COMMD10: variants seen among roughly 807,000 people sequenced by gnomAD.
The protein encoded by COMMD10 is COMM domain-containing protein 10.
A neutral mutation model predicts 28.9 loss-of-function variants in COMMD10; 33 were observed. The observed-to-expected ratio is 1.14, with a 90% confidence interval of 0.87 to 1.53. The LOEUF is 1.53. Among genes scored for constraint, COMMD10 ranks in the 40% most tolerant of loss-of-function variants. The pLI is 0.00. For missense variants in COMMD10, 310 were observed against 233.4 expected (o/e 1.33, Z -2.14); for synonymous variants, 110 against 81.7 (o/e 1.35, Z -1.87).
chr5:116,211,659 T>A (rs1000311097), intron 5 of COMMD10, among the ~76,000 whole-genome samples: 2 of 152,132 alleles, frequency 1.3e-5, no homozygotes, highest in African/African-American at 4.8e-5. Context: ...ATAACATACA[T>A]GGATGCATTT....
intron 5 of COMMD10, among the ~76,000 whole-genome samples, chr5:116,221,155 A>G (rs2112644307): frequency 6.6e-6 from 1 of 150,388 alleles, no homozygotes; most frequent in Admixed American, 6.7e-5. Flanking sequence ...CCTGCATACC[A>G]GTGAAACTAC....
At chr5:116,135,617 A>T (rs1269206516) in intron 5 of COMMD10, among the ~76,000 whole-genome samples, 3 of 152,226 alleles carry the variant, frequency 2.0e-5, no homozygotes, top group Non-Finnish European at 4.4e-5. Flanking sequence ...CAGTAAGATG[A>T]GAGAAAGAGA....
chr5:116,155,987 C>G (rs573852136), intron 5 of COMMD10, among the ~76,000 whole-genome samples: 3 of 151,946 alleles, frequency 2.0e-5, no homozygotes, highest in Non-Finnish European at 4.4e-5. Flanking sequence ...TTAAAAAAGT[C>G]TAGCTGAGGA....
chr5:116,132,785 C>T (rs908730918), intron 4 of COMMD10, among the ~76,000 whole-genome samples: 5 of 152,056 alleles, frequency 3.3e-5, no homozygotes, highest in African/African-American at 9.7e-5. Flanking sequence ...TTGCTGTAAT[C>T]AGTGTTAAAG....
intron 5 of COMMD10, among the ~76,000 whole-genome samples, chr5:116,137,082 C>T (rs182299472): frequency 2.6e-4 from 39 of 152,164 alleles, no homozygotes; most frequent in East Asian, 1.9e-3. Context: ...AACTACTATA[C>T]CTCTTTTCCT....
chr5:116,092,542 T>G lies in COMMD10; in HGVS notation c.244-3T>G, dbSNP rs1750332102. 6.5e-7 allele frequency: 1 copy of G among 1,549,262 alleles called. No individual in the cohort carries two copies. Among genetic ancestry groups the G allele is most frequent in the Non-Finnish European group, 8.7e-7 (1 of 1,147,448 alleles). The stretch of plus-strand genomic sequence containing the variant: ...TATGTAATTTTTTGTTTCTTTTTAA[T>G]AGGCAGTGTATCACAATGTGAAGCC... On this transcript the variant is annotated splice_region_variant and splice_polypyrimidine_tract_variant and intron_variant, in intron 3 of 6. Transcript: ENST00000274458.
At chr5:116,090,594 C>G (rs1226860384) in intron 2 of COMMD10, among the ~76,000 whole-genome samples, 4 of 152,180 alleles carry the variant, frequency 2.6e-5, no homozygotes, top group Non-Finnish European at 4.4e-5. Flanking sequence ...GAGGTCAGCT[C>G]TCTGGGTTCC....
intron 4 of COMMD10, among the ~76,000 whole-genome samples, chr5:116,112,821 CT>C (rs1751099680): frequency 6.6e-6 from 1 of 151,858 alleles, no homozygotes; most frequent in African/African-American, 2.4e-5. Context: ...ATTTTGTAAA[CT>C]TTTGGGTTTT....
chr5:116,088,216 T>C (rs1175105455), intron 2 of COMMD10, among the ~76,000 whole-genome samples: 3 of 152,224 alleles, frequency 2.0e-5, no homozygotes, highest in Non-Finnish European at 2.9e-5. Flanking sequence ...TCACCATCCA[T>C]TGAGAACCAA....
intron 5 of COMMD10, among the ~76,000 whole-genome samples, chr5:116,184,732 G>A (rs1268635738): frequency 1.3e-5 from 2 of 152,108 alleles, no homozygotes; most frequent in Non-Finnish European, 2.9e-5. Context: ...ATTCTCTAGG[G>A]TTGAACTGTT....
chr5:116,124,138 C>G (rs901130238), intron 4 of COMMD10, among the ~76,000 whole-genome samples: 1 of 152,052 alleles, frequency 6.6e-6, no homozygotes, highest in African/African-American at 2.4e-5. Flanking sequence ...TTTTGCTTCT[C>G]TAGTTCCTTT....
intron 5 of COMMD10, among the ~76,000 whole-genome samples, chr5:116,209,087 C>G (rs946637637): frequency 6.6e-6 from 1 of 151,906 alleles, no homozygotes; most frequent in African/African-American, 2.4e-5. Context: ...AAGTCTTACC[C>G]TAAAGCCTTT....
rs565505591 is a variant in COMMD10, at chr5:116,292,561, G to C, written c.*72G>C. The C allele has an allele frequency of 3.5e-5, 46 of 1,326,852 alleles. 1 individual carries two copies. In the South Asian group the frequency reaches 4.9e-4, roughly 14 times the overall value. 82.2% of individuals were successfully genotyped at this position (1,326,852 alleles called of 1,614,324 possible). A position where few individuals can be genotyped will look rare whatever the true frequency, so the allele number is the denominator to read the frequency against. On this transcript the variant is annotated 3_prime_UTR_variant, in exon 7 of 7. Coordinates refer to ENST00000274458, the MANE Select transcript of COMMD10 (RefSeq NM_016144.4). ...TTTTGCATTGAAGATACATTGCCAG[G>C]TTGTGTTTTCTGAAGGATTCAGTGA...
chr5:116,252,181 T>G (rs1350760145), intron 5 of COMMD10, among the ~76,000 whole-genome samples: 28 of 143,246 alleles, frequency 2.0e-4, no homozygotes, highest in Admixed American at 2.1e-4. Context: ...TTGAGTTCAT[T>G]GTAGATTCTG....
At chr5:116,253,800 T>C (rs1371584506) in intron 5 of COMMD10, among the ~76,000 whole-genome samples, 1 of 147,512 alleles carries the variant, frequency 6.8e-6, no homozygotes, top group East Asian at 2.0e-4. Flanking sequence ...ATCAGAATGA[T>C]GCTGGCCTCA....
intron 5 of COMMD10, among the ~76,000 whole-genome samples, chr5:116,247,104 C>T (rs1017665380): frequency 2.0e-5 from 3 of 150,886 alleles, no homozygotes; most frequent in Non-Finnish European, 3.0e-5. Flanking sequence ...AGTATCTATA[C>T]GGAACTTAAA....
chr5:116,287,096 A>G (rs144687376), intron 5 of COMMD10, among the ~76,000 whole-genome samples: 18 of 151,890 alleles, frequency 1.2e-4, no homozygotes, highest in African/African-American at 3.9e-4. Context: ...AAGCAAAACA[A>G]TGTACAGCAG....
chr5:116,193,914 G>T (rs1284608257), intron 5 of COMMD10, among the ~76,000 whole-genome samples: 1 of 152,004 alleles, frequency 6.6e-6, no homozygotes, highest in Non-Finnish European at 1.5e-5. Flanking sequence ...TATAATTGAG[G>T]CCATAAAATG....
chr5:116,279,430 T>C (rs1751009536), intron 5 of COMMD10, among the ~76,000 whole-genome samples: 1 of 151,894 alleles, frequency 6.6e-6, no homozygotes, highest in African/African-American at 2.4e-5. Context: ...TTTGTAACTT[T>C]TATCAAACTT....
Sources: allele counts gnomAD v4.1 joint callset (sites outside exome capture counted in the v4.1 genomes callset), GRCh38; gene constraint gnomAD v4.1.1; transcripts MANE v1.5; gene names NCBI Gene and HGNC (gene_info 2026-07-23, HGNC 2026-07-21).